Variants in DLG2 observed in about 807,000 individuals in gnomAD.
DLG2 encodes discs large MAGUK scaffold protein 2, also known as disks large homolog 2.
A neutral mutation model predicts 132.5 loss-of-function variants in DLG2; 45 were observed. The ratio of observed to expected loss-of-function variants is 0.34; its 90% CI spans 0.27 to 0.44. The LOEUF is 0.44. DLG2 is among the 20% of genes least tolerant of loss of function. The probability of loss-of-function intolerance (pLI) is 1.00; values close to 1 mark genes in which losing one functional copy is unlikely to be tolerated. For synonymous variants in DLG2, 424 were observed against 419.6 expected (o/e 1.01, Z -0.13); for missense variants, 1,045 against 1,196.9 (o/e 0.87, Z 1.87).
intron 3 of DLG2, among the ~76,000 whole-genome samples, chr11:85,530,127 G>T (rs2075094557): frequency 6.7e-6 from 1 of 150,048 alleles, no homozygotes; most frequent in African/African-American, 2.5e-5. Context: ...CTCCCAAGTA[G>T]CTGGAATTAC....
chr11:84,396,186 C>A (rs922169259), intron 7 of DLG2, among the ~76,000 whole-genome samples: 4 of 152,152 alleles, frequency 2.6e-5, no homozygotes, highest in Non-Finnish European at 5.9e-5. Context: ...ACTTATAGCT[C>A]CACTTTTCCC....
chr11:85,169,578 G>T (rs1341909619), intron 4 of DLG2, among the ~76,000 whole-genome samples: 1 of 152,112 alleles, frequency 6.6e-6, no homozygotes, highest in Non-Finnish European at 1.5e-5. Flanking sequence ...AGTTGATTGG[G>T]CCCAAAGAAC....
intron 8 of DLG2, among the ~76,000 whole-genome samples, chr11:84,172,109 A>G (rs2095838373): frequency 6.6e-6 from 1 of 152,228 alleles, no homozygotes; most frequent in African/African-American, 2.4e-5. Context: ...GTAAGTGTCA[A>G]AATTACTTAT....
At chr11:83,865,803 T>C (rs1381319128) in intron 16 of DLG2, among the ~76,000 whole-genome samples, 1 of 152,156 alleles carries the variant, frequency 6.6e-6, no homozygotes, top group African/African-American at 2.4e-5. Flanking sequence ...TCAGGCAGCC[T>C]CTTAGGAGGA....
chr11:83,894,876 G>A (rs906708499), intron 15 of DLG2, among the ~76,000 whole-genome samples: 2 of 152,020 alleles, frequency 1.3e-5, no homozygotes, highest in African/African-American at 4.8e-5. Context: ...TCCCACTTAT[G>A]AGTGAAAACA....
At chr11:85,018,550 C>T (rs1045286195) in intron 6 of DLG2, among the ~76,000 whole-genome samples, 7 of 152,134 alleles carry the variant, frequency 4.6e-5, no homozygotes, top group African/African-American at 1.7e-4. Context: ...AGCATAGCAG[C>T]CACGGATCTC....
chr11:83,890,652 C>T (rs2069517929), intron 15 of DLG2, among the ~76,000 whole-genome samples: 1 of 152,120 alleles, frequency 6.6e-6, no homozygotes, highest in Admixed American at 6.5e-5. Context: ...AATAATAGTA[C>T]CTTTTCACAG....
At chr11:84,104,337 G>A (rs114051063) in intron 9 of DLG2, among the ~76,000 whole-genome samples, 2,497 of 152,112 alleles carry the variant, frequency 0.016, 65 homozygotes, top group African/African-American at 0.057. Flanking sequence ...ACCAAACACT[G>A]CATATTCTCA....
intron 7 of DLG2, among the ~76,000 whole-genome samples, chr11:84,430,385 G>C (rs1029785064): frequency 6.7e-6 from 1 of 149,940 alleles, no homozygotes; most frequent in Non-Finnish European, 1.5e-5. Context: ...GTTGTAGTGA[G>C]CCGAGATCGT....
chr11:85,203,255 T>C (rs1326960275), intron 4 of DLG2, among the ~76,000 whole-genome samples: 5 of 151,336 alleles, frequency 3.3e-5, no homozygotes, highest in Non-Finnish European at 7.4e-5. Flanking sequence ...TCTGGTTTTT[T>C]AAAGACAAAC....
At chr11:84,163,611 G>T in intron 8 of DLG2, 100 bp from the exon 9 acceptor site, 1 of 936,134 alleles carries the variant, frequency 1.1e-6, no homozygotes, top group Non-Finnish European at 1.6e-6. Context: ...TTTCATTCTA[G>T]CTATAAATAA....
chr11:84,847,401 AG>A (rs1319218115), intron 6 of DLG2, among the ~76,000 whole-genome samples: 1 of 152,192 alleles, frequency 6.6e-6, no homozygotes, highest in Non-Finnish European at 1.5e-5. Context: ...GAAGATTTCC[AG>A]GAAGAATACT....
chr11:84,755,284 G>T (rs2066708870), intron 6 of DLG2, among the ~76,000 whole-genome samples: 1 of 152,148 alleles, frequency 6.6e-6, no homozygotes. Flanking sequence ...TAGAATAAAA[G>T]GTACCAATAA....
At chr11:84,243,015 C>CTA (rs1338945171) in intron 8 of DLG2, among the ~76,000 whole-genome samples, 4 of 140,172 alleles carry the variant, frequency 2.9e-5, no homozygotes, top group Admixed American at 7.0e-5. Flanking sequence ...CTCTCTCTCT[C>CTA]TCTATATATA....
At chr11:85,432,407 A>G (rs1271884019) in intron 3 of DLG2, among the ~76,000 whole-genome samples, 4 of 152,158 alleles carry the variant, frequency 2.6e-5, no homozygotes, top group African/African-American at 9.7e-5. Flanking sequence ...ACACAATGCC[A>G]TGTTCTTGGC....
chr11:85,046,762 T>C (rs1224470995), intron 6 of DLG2, among the ~76,000 whole-genome samples: 1 of 151,866 alleles, frequency 6.6e-6, no homozygotes, highest in Non-Finnish European at 1.5e-5. Flanking sequence ...TCCTTAAATT[T>C]CATGCAGCCT....
intron 8 of DLG2, among the ~76,000 whole-genome samples, chr11:84,182,483 C>T (rs975325422): frequency 1.3e-5 from 2 of 150,660 alleles, no homozygotes; most frequent in African/African-American, 4.9e-5. Flanking sequence ...GAGCCCTGAT[C>T]ATGCTACTGC....
intron 11 of DLG2, among the ~76,000 whole-genome samples, chr11:84,005,900 A>C (rs1293536258): frequency 1.3e-5 from 2 of 151,938 alleles, no homozygotes; most frequent in Non-Finnish European, 2.9e-5. Flanking sequence ...GCCATTTGCC[A>C]CTATGGACAA....
chr11:84,880,007 G>A (rs1242232220), intron 6 of DLG2, among the ~76,000 whole-genome samples: 1 of 151,822 alleles, frequency 6.6e-6, no homozygotes, highest in Non-Finnish European at 1.5e-5. Context: ...CAAGCAAGCT[G>A]GAAATAAGAA....
Sources: gnomAD v4.1 joint callset for allele counts (sites outside exome capture counted in the v4.1 genomes callset) on GRCh38, gnomAD v4.1.1 for gene constraint, MANE v1.5 for transcripts, NCBI Gene and HGNC (gene_info 2026-07-23, HGNC 2026-07-21) for gene names.